Variants in WNK2 observed in about 807,000 individuals in gnomAD.
The protein encoded by WNK2 is WNK lysine deficient protein kinase 2.
A neutral mutation model predicts 192.1 loss-of-function variants in WNK2; 67 were observed. That is an observed-to-expected ratio of 0.35 (90% CI 0.29 to 0.43). The LOEUF is 0.43. WNK2 is among the 20% of genes least tolerant of loss of function. The pLI is 1.00. For synonymous variants in WNK2, 1,439 were observed against 1,393.9 expected, an observed-to-expected ratio of 1.03 and a Z score of -0.72; for missense variants, 2,698 against 3,089.7, an observed-to-expected ratio of 0.87 and a Z score of 3.01.
At chr9:93,299,328 A>C in intron 25 of WNK2, 67 bp downstream of exon 25, 1 of 1,499,660 alleles carries the variant, frequency 6.7e-7, no homozygotes, top group Non-Finnish European at 8.9e-7. Flanking sequence ...TGTCCCCAGG[A>C]GCACGCCCGT....
At chr9:93,208,582 G>A (rs984617879) in intron 2 of WNK2, among the ~76,000 whole-genome samples, 3 of 61,802 alleles carry the variant, frequency 4.9e-5, no homozygotes, top group Non-Finnish European at 6.9e-5. Flanking sequence ...TGTATTTGGT[G>A]TGTTCTTCAT....
intron 2 of WNK2, among the ~76,000 whole-genome samples, chr9:93,222,369 T>G (rs111492575): frequency 3.4e-4 from 51 of 152,224 alleles, no homozygotes; most frequent in African/African-American, 1.1e-3. Flanking sequence ...TAAAATAGTA[T>G]GATTTACAAA....
In WNK2 at chr9:93,292,781, C is replaced by T. The variant is rs41278286; in HGVS notation, c.5316C>T (p.Asp1772=). The stretch of plus-strand genomic sequence containing the variant: ...GCCTGAGATACTCTGCCCCACCCGA[C>T]GTCTACCTGGACGAGGCCCCCTCCA... ...PHSLRYSAPP[D]VYLDEAPSSP... The change falls in exon 23 of 30, where the codon GAC becomes GAT. Residue 1772 remains aspartate, a synonymous_variant. Transcript: ENST00000427277. 491,140 of 1,553,544 alleles carry T rather than the reference C, an allele frequency of 0.32. 80,377 individuals are homozygous for T. Among genetic ancestry groups the T allele is most frequent in the South Asian group, 0.51 (42,482 of 84,096 alleles).
At chr9:93,240,038 A>C in intron 7 of WNK2, 62 bp downstream of exon 7, 1 of 1,529,550 alleles carries the variant, frequency 6.5e-7, no homozygotes, top group South Asian at 1.2e-5. Flanking sequence ...GTTTCCAAGG[A>C]TGAGAACAAA....
chr9:93,187,180 C>G (rs1829497000), intron 2 of WNK2, among the ~76,000 whole-genome samples: 1 of 152,156 alleles, frequency 6.6e-6, no homozygotes, highest in Non-Finnish European at 1.5e-5. Context: ...CCAGAGCCTG[C>G]TGATCTGGCT....
At chr9:93,244,687 C>A (rs147879022) in intron 7 of WNK2, among the ~76,000 whole-genome samples, 92 of 152,320 alleles carry the variant, frequency 6.0e-4, no homozygotes, top group African/African-American at 2.2e-3. Flanking sequence ...TTAGGAATGG[C>A]CTCACCCACA....
intron 26 of WNK2, among the ~76,000 whole-genome samples, chr9:93,306,480 C>CT (rs1852567493): frequency 6.7e-6 from 1 of 150,082 alleles, no homozygotes; most frequent in Non-Finnish European, 1.5e-5. Flanking sequence ...TTTTTCTTTT[C>CT]TTTTTTCTTT....
At chr9:93,313,715 T>C (rs1300230865) in intron 28 of WNK2, among the ~76,000 whole-genome samples, 3 of 152,224 alleles carry the variant, frequency 2.0e-5, no homozygotes, top group Non-Finnish European at 2.9e-5. Context: ...ATAGTGACCA[T>C]TTAAAAGTTG....
intron 29 of WNK2, chr9:93,319,342 G>A (rs981813185): frequency 5.0e-6 from 7 of 1,390,664 alleles, no homozygotes; most frequent in Non-Finnish European, 5.6e-6. Flanking sequence ...GGGTGCTGAG[G>A]GGCTGCGGGT....
At chr9:93,211,343 C>G (rs1834653056) in intron 2 of WNK2, among the ~76,000 whole-genome samples, 1 of 149,806 alleles carries the variant, frequency 6.7e-6, no homozygotes, top group African/African-American at 2.5e-5. Context: ...TTGGTCTACT[C>G]ATTCACTCAT....
intron 2 of WNK2, among the ~76,000 whole-genome samples, chr9:93,215,286 A>G (rs1267979613): frequency 1.3e-5 from 2 of 151,972 alleles, no homozygotes; most frequent in African/African-American, 4.8e-5. Flanking sequence ...TGATTTTTGC[A>G]TATTTAGTAG....
At chr9:93,241,028 G>A (rs1840671395) in intron 7 of WNK2, among the ~76,000 whole-genome samples, 1 of 152,202 alleles carries the variant, frequency 6.6e-6, no homozygotes, top group African/African-American at 2.4e-5. Context: ...TCACACCCCT[G>A]CAGGGATAGG....
chr9:93,254,919 C>T (rs976232243), intron 9 of WNK2, among the ~76,000 whole-genome samples: 15 of 152,212 alleles, frequency 9.9e-5, no homozygotes, highest in Non-Finnish European at 1.8e-4. Context: ...GCTCTCATCC[C>T]TCCTCAGCCT....
At position 93,308,428 on chromosome 9, in the gene WNK2, C is replaced by T. The variant is rs1200548349; in HGVS notation, c.6360C>T (p.Thr2120=). ...QVNNSNNKKG[T]FTDDLHKLVD... is the part of the protein sequence containing the mutation. ...ACAACAGCAACAACAAGAAGGGTAC[C>T]TTCACGGACGACCTGCACAAGCTGG... is the stretch of plus-strand genomic sequence containing the variant. The change falls in exon 28 of 30, where the codon ACC becomes ACT. Residue 2120 remains threonine, a synonymous_variant. Transcript: ENST00000427277. The T allele has an allele frequency of 6.2e-7, 1 of 1,607,096 alleles. No individual in the cohort carries two copies. Among genetic ancestry groups the T allele is most frequent in the Non-Finnish European group, 8.5e-7 (1 of 1,177,396 alleles).
At chr9:93,188,194 C>G (rs1290178855) in intron 2 of WNK2, among the ~76,000 whole-genome samples, 4 of 152,220 alleles carry the variant, frequency 2.6e-5, no homozygotes, top group South Asian at 2.1e-4. Flanking sequence ...CACCTGCAGT[C>G]TGTCCAGGTG....
chr9:93,246,625 C>T (rs915928369), intron 7 of WNK2, among the ~76,000 whole-genome samples: 2 of 152,228 alleles, frequency 1.3e-5, no homozygotes, highest in African/African-American at 2.4e-5. Flanking sequence ...TTTGTGGGGT[C>T]GCCAGCCTCC....
At chr9:93,184,584 T>A (rs1202861828) in intron 1 of WNK2, among the ~76,000 whole-genome samples, 199 bp downstream of exon 1, 2 of 151,994 alleles carry the variant, frequency 1.3e-5, no homozygotes, top group East Asian at 3.9e-4. Flanking sequence ...AGCAGAACCC[T>A]CCTGGGCCAG....
intron 2 of WNK2, among the ~76,000 whole-genome samples, chr9:93,187,070 C>G (rs1056561539): frequency 6.6e-6 from 1 of 152,162 alleles, no homozygotes; most frequent in Non-Finnish European, 1.5e-5. Context: ...TCTTCCTGCT[C>G]TTGCCCTTCT....
At chr9:93,230,423 C>T (rs1406613864) in intron 3 of WNK2, among the ~76,000 whole-genome samples, 1 of 152,200 alleles carries the variant, frequency 6.6e-6, no homozygotes, top group African/African-American at 2.4e-5. Flanking sequence ...CACCCACCCA[C>T]CTCCTCCCAG....
Sources: gnomAD v4.1 joint callset for allele counts (sites outside exome capture counted in the v4.1 genomes callset) on GRCh38, gnomAD v4.1.1 for gene constraint, MANE v1.5 for transcripts, NCBI Gene and HGNC (gene_info 2026-07-23, HGNC 2026-07-21) for gene names.